The following ADAMTS12 variants were observed in gnomAD, a reference collection of about 807,000 sequenced individuals.
ADAMTS12 encodes the protein A disintegrin and metalloproteinase with thrombospondin motifs 12.
Under a neutral mutation model 167.8 loss-of-function variants are expected in ADAMTS12, and 118 were observed. That is an observed-to-expected ratio of 0.70 (90% CI 0.61 to 0.82). The LOEUF (loss-of-function observed/expected upper bound fraction) is 0.82. ADAMTS12 is among the 40% of genes least tolerant of loss of function. The probability of loss-of-function intolerance (pLI) is 0.00; values close to 1 mark genes in which losing one functional copy is unlikely to be tolerated. For synonymous variants in ADAMTS12, 704 were observed against 716.9 expected, an observed-to-expected ratio of 0.98 and a Z score of 0.29; for missense variants, 1,916 against 1,998.8, an observed-to-expected ratio of 0.96 and a Z score of 0.79.
At chr5:33,794,837 C>T (rs1238804147) in intron 2 of ADAMTS12, among the ~76,000 whole-genome samples, 1 of 152,152 alleles carries the variant, frequency 6.6e-6, no homozygotes, top group Non-Finnish European at 1.5e-5. Context: ...GTGGTATGAT[C>T]TCCAGCACTA....
At chr5:33,570,712 C>A (rs1363702454) in intron 19 of ADAMTS12, among the ~76,000 whole-genome samples, 1 of 150,890 alleles carries the variant, frequency 6.6e-6, no homozygotes, top group Non-Finnish European at 1.5e-5. Context: ...AACCAGCTAA[C>A]ATCATAATGA....
intron 3 of ADAMTS12, among the ~76,000 whole-genome samples, chr5:33,733,939 T>C (rs145461418): frequency 4.0e-5 from 6 of 151,744 alleles, no homozygotes; most frequent in Admixed American, 1.3e-4. Flanking sequence ...GTCTCAGAGC[T>C]GTTCAGTGCA....
chr5:33,534,744 A>G, intron 23 of ADAMTS12, 89 bp downstream of exon 23: 1 of 1,476,812 alleles, frequency 6.8e-7, no homozygotes, highest in Non-Finnish European at 9.0e-7. Flanking sequence ...TATTCAGTAA[A>G]AGAAATGTAA....
At chr5:33,888,307 C>T (rs1171752704) in intron 1 of ADAMTS12, 2 of 152,138 alleles carry the variant, frequency 1.3e-5, no homozygotes, top group Non-Finnish European at 2.9e-5. Flanking sequence ...TGTAACCTTG[C>T]AACGCTATTT....
At chr5:33,670,262 A>G (rs1016350836) in intron 5 of ADAMTS12, among the ~76,000 whole-genome samples, 6 of 152,180 alleles carry the variant, frequency 3.9e-5, no homozygotes, top group Non-Finnish European at 8.8e-5. Context: ...ATTACTAGCT[A>G]TCAGGGAATT....
chr5:33,870,914 C>T (rs908073334), intron 2 of ADAMTS12, among the ~76,000 whole-genome samples: 2 of 152,176 alleles, frequency 1.3e-5, no homozygotes, highest in African/African-American at 4.8e-5. Flanking sequence ...CTCAATCATG[C>T]TTCTTGTACA....
At chr5:33,555,870 T>C (rs558710905) in intron 20 of ADAMTS12, among the ~76,000 whole-genome samples, 91 of 152,298 alleles carry the variant, frequency 6.0e-4, no homozygotes, top group Non-Finnish European at 7.6e-4. Context: ...GGTCAAGTCC[T>C]CCAGAGTTCA....
At chr5:33,743,190 G>A (rs1744655587) in intron 3 of ADAMTS12, among the ~76,000 whole-genome samples, 1 of 152,178 alleles carries the variant, frequency 6.6e-6, no homozygotes, top group Non-Finnish European at 1.5e-5. Flanking sequence ...AGTGGTGGGA[G>A]ATGAGGTGGA....
chr5:33,654,534 G>A (rs1009254168), intron 7 of ADAMTS12, among the ~76,000 whole-genome samples: 3 of 152,154 alleles, frequency 2.0e-5, no homozygotes, highest in African/African-American at 7.2e-5. Context: ...GTCTAGGGGT[G>A]GATGAAATTT....
intron 3 of ADAMTS12, among the ~76,000 whole-genome samples, chr5:33,709,204 C>A (rs1477064063): frequency 6.6e-6 from 1 of 152,140 alleles, no homozygotes; most frequent in Non-Finnish European, 1.5e-5. Flanking sequence ...CAAGAAACAA[C>A]AGATGCTGGT....
Position 33,576,706 on chromosome 5 carries a change from G to A in ADAMTS12, c.3320C>T (p.Ser1107Phe), listed in dbSNP as rs755541287. The change falls in exon 19 of 24, where the codon TCC (serine) becomes TTC (phenylalanine). Residue 1107 changes from serine (S) to phenylalanine (F), a missense_variant. Physicochemically the swap from Ser to Phe is radical, Grantham distance 155. Transcript: ENST00000504830. ...CGAGGTAGGACCAGTATCTGAACTGGAAACATTTTCCTCACTTGGCTGAAT... is the reference window on the plus strand; with the variant it reads ...CGAGGTAGGACCAGTATCTGAACTGAAAACATTTTCCTCACTTGGCTGAAT... ...LSIQPSEENV[S>F]SSDTGPTSEG... is the part of the protein sequence containing the mutation. The A allele has an allele frequency of 2.8e-5, 46 of 1,614,240 alleles. No individual in the cohort carries two copies. The South Asian group carries it at 4.9e-4, about 17-fold the overall frequency.
chr5:33,857,565 C>A (rs1268022289), intron 2 of ADAMTS12, among the ~76,000 whole-genome samples: 2 of 151,904 alleles, frequency 1.3e-5, no homozygotes, highest in African/African-American at 4.8e-5. Context: ...TTTTGTTTGT[C>A]AATTATACAT....
chr5:33,831,872 C>T (rs1263418196), intron 2 of ADAMTS12, among the ~76,000 whole-genome samples: 1 of 152,230 alleles, frequency 6.6e-6, no homozygotes, highest in Non-Finnish European at 1.5e-5. Flanking sequence ...ATGGCCGAGG[C>T]CACTGCAGAA....
chr5:33,857,422 C>CAA (rs201346294), intron 2 of ADAMTS12, among the ~76,000 whole-genome samples: 6 of 120,578 alleles, frequency 5.0e-5, no homozygotes, highest in Admixed American at 8.5e-5. Context: ...GCTCTCATCA[C>CAA]AAAAAAAAAA....
At chr5:33,663,750 G>C (rs938073570) in intron 5 of ADAMTS12, among the ~76,000 whole-genome samples, 6 of 152,132 alleles carry the variant, frequency 3.9e-5, no homozygotes, top group African/African-American at 1.4e-4. Context: ...CTTCAGACAG[G>C]AAGGCATGTT....
Position 33,662,136 on chromosome 5 carries a change from T to C in ADAMTS12, c.916-96A>G, listed in dbSNP as rs968895388. On this transcript the variant is annotated intron_variant, in intron 5 of 23. Transcript: ENST00000504830. ...CATCTCCAGAGGTGTCCAAGTGAGA[T>C]GAATTCAGGGTGGGTGCATCAGACA... 1.0e-5 allele frequency: 15 copies of C among 1,496,346 alleles called. No homozygotes were observed. In the Middle Eastern group the frequency reaches 5.3e-4, roughly 53 times the overall value. 92.7% of individuals were successfully genotyped at this position (1,496,346 alleles called of 1,614,324 possible).
At chr5:33,842,740 T>C (rs1748791084) in intron 2 of ADAMTS12, among the ~76,000 whole-genome samples, 1 of 151,976 alleles carries the variant, frequency 6.6e-6, no homozygotes, top group African/African-American at 2.4e-5. Context: ...AGGTGACCCA[T>C]AAAAGGACAG....
intron 2 of ADAMTS12, among the ~76,000 whole-genome samples, chr5:33,793,008 T>A (rs751442882): frequency 1.3e-5 from 2 of 152,212 alleles, no homozygotes; most frequent in Non-Finnish European, 2.9e-5. Flanking sequence ...AGGCACTGAG[T>A]TCTGGGAACC....
At chr5:33,688,458 A>G (rs1422123966) in intron 3 of ADAMTS12, among the ~76,000 whole-genome samples, 1 of 152,224 alleles carries the variant, frequency 6.6e-6, no homozygotes, top group Non-Finnish European at 1.5e-5. Flanking sequence ...AAGTCCTAGA[A>G]GATCCCTGGA....
Sources: allele counts gnomAD v4.1 joint callset (sites outside exome capture counted in the v4.1 genomes callset), GRCh38; gene constraint gnomAD v4.1.1; transcripts MANE v1.5; gene names NCBI Gene and HGNC (gene_info 2026-07-23, HGNC 2026-07-21).